CPNE4: variants seen among roughly 807,000 people sequenced by gnomAD.
The protein encoded by CPNE4 is copine 4.
In CPNE4, 25 loss-of-function variants were observed where a neutral mutation model predicts 67.9. The ratio of observed to expected loss-of-function variants is 0.37; its 90% CI spans 0.27 to 0.51. The LOEUF is 0.51. CPNE4 is among the 20% of genes least tolerant of loss of function. The pLI is 0.93. For synonymous variants in CPNE4, 242 were observed against 244.9 expected (o/e 0.99, Z 0.11); for missense variants, 464 against 690.8 (o/e 0.67, Z 3.68).
At chr3:131,973,742 T>G (rs765858594) in intron 1 of CPNE4, among the ~76,000 whole-genome samples, 1 of 152,330 alleles carries the variant, frequency 6.6e-6, no homozygotes, top group East Asian at 1.9e-4. Context: ...TGAACAGTTA[T>G]AGCAGTGGAA....
At chr3:132,035,070 G>C, upstream of CPNE4, 1 of 985,452 alleles carries the variant, frequency 1.0e-6, no homozygotes, top group Non-Finnish European at 1.2e-6. Flanking sequence ...CTCCGCGCGA[G>C]CGCCCCCTGG....
At chr3:131,962,291 T>C (rs935407112) in intron 1 of CPNE4, among the ~76,000 whole-genome samples, 2 of 152,238 alleles carry the variant, frequency 1.3e-5, no homozygotes, top group Non-Finnish European at 2.9e-5. Flanking sequence ...AGAGATGTCT[T>C]TTCTTTTGCC....
At chr3:131,772,500 C>G (rs1403329355) in intron 2 of CPNE4, among the ~76,000 whole-genome samples, 2 of 152,056 alleles carry the variant, frequency 1.3e-5, no homozygotes, top group African/African-American at 4.8e-5. Flanking sequence ...TTGATAGTAT[C>G]AGAATCCCTA....
chr3:131,810,548 G>A (rs1387546807), intron 2 of CPNE4, among the ~76,000 whole-genome samples: 2 of 152,064 alleles, frequency 1.3e-5, no homozygotes, highest in African/African-American at 4.8e-5. Flanking sequence ...GTGTTAGTGA[G>A]GATTTGGCAG....
intron 1 of CPNE4, among the ~76,000 whole-genome samples, chr3:131,951,998 T>C (rs934737903): frequency 1.3e-5 from 2 of 151,852 alleles, no homozygotes; most frequent in South Asian, 2.1e-4. Context: ...GTCTGGGAAG[T>C]GAGGAGCGTC....
chr3:131,874,816 A>G (rs926637018), intron 2 of CPNE4, among the ~76,000 whole-genome samples: 3 of 152,210 alleles, frequency 2.0e-5, no homozygotes, highest in Non-Finnish European at 2.9e-5. Context: ...AACGTTGGAA[A>G]AAACTGTGGC....
In CPNE4 at chr3:131,744,309, ACTAT is replaced by A. The variant is rs577382340; in HGVS notation, c.181-20688_181-20685del. Among the ~76,000 whole-genome samples, 422 of 152,312 alleles carry A rather than the reference ACTAT, an allele frequency of 2.8e-3. 1 individual carries two copies. The highest frequency in any genetic ancestry group is 2.6e-3 in the Admixed American group (40 of 15,302). ...TTAATAATAAGTACTCAGAGAGGAA[ACTAT>A]CTACTTATAACAGTGATAAAAGACT... On this transcript the variant is annotated intron_variant, in intron 2 of 15. Transcript: ENST00000429747.
At chr3:131,804,816 C>G (rs2084253950) in intron 2 of CPNE4, among the ~76,000 whole-genome samples, 1 of 152,188 alleles carries the variant, frequency 6.6e-6, no homozygotes, top group African/African-American at 2.4e-5. Context: ...ACATGTGGCC[C>G]AGTCTTCCCA....
At chr3:131,971,682 T>C (rs889014673) in intron 1 of CPNE4, among the ~76,000 whole-genome samples, 2 of 152,160 alleles carry the variant, frequency 1.3e-5, no homozygotes, top group Admixed American at 6.5e-5. Context: ...TAAGGGTACC[T>C]TGCCCTTAGG....
chr3:131,850,791 G>C (rs757393970), intron 2 of CPNE4, among the ~76,000 whole-genome samples: 27 of 151,950 alleles, frequency 1.8e-4, no homozygotes, highest in Non-Finnish European at 3.1e-4. Flanking sequence ...ATAATCCTAC[G>C]AGATTTTATC....
intron 3 of CPNE4, among the ~76,000 whole-genome samples, chr3:131,722,450 C>CT (rs397760356): frequency 6.6e-6 from 1 of 151,606 alleles, no homozygotes; most frequent in South Asian, 2.1e-4. Context: ...CATACCCCCC[C>CT]ACGTTTGTTC....
At chr3:131,722,299 G>GA (rs1211331210) in intron 3 of CPNE4, among the ~76,000 whole-genome samples, 2 of 151,974 alleles carry the variant, frequency 1.3e-5, no homozygotes, top group African/African-American at 4.8e-5. Context: ...CTCTCTTTGA[G>GA]AAAAAAAGTA....
At chr3:131,858,530 G>T (rs1310453602) in intron 2 of CPNE4, among the ~76,000 whole-genome samples, 1 of 152,016 alleles carries the variant, frequency 6.6e-6, no homozygotes, top group Non-Finnish European at 1.5e-5. Flanking sequence ...ATCCATAGTG[G>T]CCCTTTTAGA....
intron 2 of CPNE4, among the ~76,000 whole-genome samples, chr3:131,821,678 G>T (rs1017635225): frequency 1.3e-5 from 2 of 152,148 alleles, no homozygotes; most frequent in Non-Finnish European, 2.9e-5. Context: ...GGAAATGAGG[G>T]TGTATTAGAA....
intron 3 of CPNE4, among the ~76,000 whole-genome samples, chr3:131,708,111 G>C (rs939825893): frequency 6.6e-6 from 1 of 152,136 alleles, no homozygotes; most frequent in Non-Finnish European, 1.5e-5. Context: ...GCTGTGGAAG[G>C]GGTGAAAAGG....
intron 1 of CPNE4, among the ~76,000 whole-genome samples, chr3:131,967,812 C>T (rs921504062): frequency 2.6e-4 from 39 of 152,158 alleles, no homozygotes; most frequent in African/African-American, 9.4e-4. Flanking sequence ...ATGCTGTTTC[C>T]ATCAAGCTAC....
chr3:131,841,681 G>A lies in CPNE4; in HGVS notation c.180+63583C>T, dbSNP rs987195918. Among the ~76,000 whole-genome samples the A allele has an allele frequency of 3.2e-4, 48 of 152,308 alleles. 1 individual carries two copies. Among genetic ancestry groups the A allele is most frequent in the African/African-American group, 1.1e-3 (47 of 41,570 alleles). On this transcript the variant is annotated intron_variant, in intron 2 of 15. Transcript: ENST00000429747. ...GTCTTCCACAAAACTAGTCCCTGATGCCAAAAAGGTTGGAGACAGCTGACC... is the reference window on the plus strand; with the variant it reads ...GTCTTCCACAAAACTAGTCCCTGATACCAAAAAGGTTGGAGACAGCTGACC...
intron 4 of CPNE4, among the ~76,000 whole-genome samples, chr3:131,698,967 A>G (rs1044225503): frequency 1.3e-5 from 2 of 151,770 alleles, no homozygotes; most frequent in African/African-American, 4.8e-5. Flanking sequence ...GAATGTTCAA[A>G]ATAACTCAAG....
At chr3:131,801,419 T>A (rs2084115407) in intron 2 of CPNE4, among the ~76,000 whole-genome samples, 1 of 40,512 alleles carries the variant, frequency 2.5e-5, no homozygotes, top group African/African-American at 9.0e-5. Context: ...TATATACGTG[T>A]GTGTGTGTGT....
Sources: allele counts gnomAD v4.1 joint callset (sites outside exome capture counted in the v4.1 genomes callset), GRCh38; gene constraint gnomAD v4.1.1; transcripts MANE v1.5; gene names NCBI Gene and HGNC (gene_info 2026-07-23, HGNC 2026-07-21).